The following ARHGAP9 variants were observed in gnomAD, a reference collection of about 807,000 sequenced individuals.
ARHGAP9 encodes the protein rho GTPase-activating protein 9.
A neutral mutation model predicts 87.3 loss-of-function variants in ARHGAP9; 76 were observed. That is an observed-to-expected ratio of 0.87 (90% confidence interval 0.72 to 1.05). The LOEUF is 1.05. Ranked by LOEUF, ARHGAP9 falls within the 50% of genes least tolerant of loss-of-function variation. The pLI is 0.00. For synonymous variants in ARHGAP9, 382 were observed against 394.9 expected, an observed-to-expected ratio of 0.97 and a Z score of 0.39; for missense variants, 941 against 960.5, an observed-to-expected ratio of 0.98 and a Z score of 0.27.
upstream of ARHGAP9, among the ~76,000 whole-genome samples, chr12:57,481,635 C>A (rs529488976): frequency 2.6e-5 from 4 of 152,154 alleles, no homozygotes; most frequent in Non-Finnish European, 5.9e-5. Flanking sequence ...ACTCCGCCAC[C>A]TTTTCAAAGT....
intron 1 of ARHGAP9, chr12:57,487,916 T>TA: frequency 5.0e-6 from 3 of 599,152 alleles, no homozygotes; most frequent in Non-Finnish European, 6.0e-6. Flanking sequence ...ATCTCGATGA[T>TA]AGTCTTTTCC....
At chr12:57,484,287 G>A (rs578158963), upstream of ARHGAP9, among the ~76,000 whole-genome samples, 1 of 151,606 alleles carries the variant, frequency 6.6e-6, no homozygotes, top group South Asian at 2.1e-4. Context: ...GGGAGGTGGA[G>A]GTTGCAGTGA....
chr12:57,485,128 G>C (rs1294428707), intron 1 of ARHGAP9, among the ~76,000 whole-genome samples: 2 of 150,618 alleles, frequency 1.3e-5, no homozygotes, highest in Admixed American at 6.6e-5. Flanking sequence ...TGTATTTTTA[G>C]TAGAGACTGG....
At position 57,477,146 on chromosome 12, in the gene ARHGAP9, G is replaced by C. The variant is rs1565622713; in HGVS notation, c.870+10C>G. The C allele has an allele frequency of 6.2e-7, 1 of 1,613,018 alleles. No individual in the cohort carries two copies. Among genetic ancestry groups the C allele is most frequent in the Non-Finnish European group, 8.5e-7 (1 of 1,179,132 alleles). Reference sequence around the variant, plus strand: ...TTCTGCATGTGACTGGGAGATGGGAGGGATCTCACCTGTGGGTCAAGCGGT... The same window carrying C: ...TTCTGCATGTGACTGGGAGATGGGACGGATCTCACCTGTGGGTCAAGCGGT... On this transcript the variant is annotated intron_variant, in intron 5 of 17. Transcript: ENST00000393791.
At chr12:57,476,723 G>T in intron 6 of ARHGAP9, 72 bp from the exon 7 acceptor site, 5 of 1,598,270 alleles carry the variant, frequency 3.1e-6, no homozygotes, top group East Asian at 2.2e-5. Context: ...TCCCTAGGGG[G>T]TCTCCCAGGA....
At chr12:57,488,253 C>G in intron 1 of ARHGAP9, 1 of 1,520,192 alleles carries the variant, frequency 6.6e-7, no homozygotes, top group Non-Finnish European at 9.1e-7. Flanking sequence ...CCGAAACACG[C>G]CAGATTCTCT....
intron 2 of ARHGAP9, 86 bp downstream of exon 2, chr12:57,479,005 A>G: frequency 1.4e-6 from 2 of 1,476,948 alleles, no homozygotes; most frequent in Non-Finnish European, 1.8e-6. Flanking sequence ...AGGGAGGGGG[A>G]CCTCCCCAAA....
chr12:57,476,709 G>C, intron 6 of ARHGAP9, 58 bp from the exon 7 acceptor site: 1 of 1,608,410 alleles, frequency 6.2e-7, no homozygotes, highest in Admixed American at 1.7e-5. Context: ...AGTGGCCACG[G>C]CTTTCCCTAG....
chr12:57,476,901 T>G lies in ARHGAP9; in HGVS notation c.933A>C (p.Arg311=), dbSNP rs771146991. ...GGTCGTCCAGGAGCTGCGGCAGAGG[T>G]CGAGGGGCCTGCAAGGCTGGAGGGT... ...QLDPPALQAP[R]PLPQLLDDPH... Residue 311 remains arginine, a synonymous_variant, in exon 6 of 18, where the codon CGA becomes CGC. Coordinates refer to ENST00000393791, the MANE Select transcript of ARHGAP9 (RefSeq NM_032496.4). The G allele has an allele frequency of 6.2e-7, 1 of 1,613,144 alleles. No individual in the cohort carries two copies. Among genetic ancestry groups the G allele is most frequent in the Non-Finnish European group, 8.5e-7 (1 of 1,179,828 alleles).
chr12:57,486,559 C>T lies in ARHGAP9; in HGVS notation c.-204+2053G>A, dbSNP rs111321301. 6.0e-5 allele frequency among the ~76,000 whole-genome samples: 9 copies of T among 149,804 alleles called. 2 individuals carry two copies. Among genetic ancestry groups the T allele is most frequent in the African/African-American group, 1.7e-4 (7 of 41,174 alleles). ...TGCTGGGGTTACAGGCGTGAGCCAC[C>T]GCGCCCGGCCTTACTTCTCAATTTC... On this transcript the variant is annotated intron_variant, in intron 1 of 20. Coordinates refer to the ARHGAP9 transcript ENST00000393797.
upstream of ARHGAP9, chr12:57,480,892 CAG>C (rs1230991145): frequency 2.0e-6 from 3 of 1,490,878 alleles, no homozygotes; most frequent in African/African-American, 4.2e-5. Context: ...CTGGTGATAT[CAG>C]AGAGCCAGCT....
exon 1 of ARHGAP9, chr12:57,488,654 G>A (rs1875663193): frequency 4.0e-5 from 62 of 1,550,642 alleles, no homozygotes; most frequent in Non-Finnish European, 5.2e-5. Flanking sequence ...CTCTTAGGAG[G>A]TTCTCTTGTA....
At chr12:57,483,951 G>A (rs760295497), upstream of ARHGAP9, 1 of 442,722 alleles carries the variant, frequency 2.3e-6, no homozygotes, top group South Asian at 1.6e-5. Flanking sequence ...TGAGGCACAA[G>A]AATCACTTGA....
In ARHGAP9 at chr12:57,479,430, A is replaced by G; in HGVS notation, c.-18-6T>C. Reference sequence around the variant, plus strand: ...ATTGTAGCCAGCACTGTCACCTGTGAGAAAAAGGGACACTGGAGACCCAGA... The same window carrying G: ...ATTGTAGCCAGCACTGTCACCTGTGGGAAAAAGGGACACTGGAGACCCAGA... On this transcript the variant is annotated splice_polypyrimidine_tract_variant and splice_region_variant and intron_variant, in intron 1 of 17. Coordinates refer to ENST00000393791, the MANE Select transcript of ARHGAP9 (RefSeq NM_032496.4). 1 of 1,604,024 alleles carries G rather than the reference A, an allele frequency of 6.2e-7. No individual in the cohort carries two copies. Among genetic ancestry groups the G allele is most frequent in the Non-Finnish European group, 8.5e-7 (1 of 1,175,598 alleles).
chr12:57,474,966 C>T lies in ARHGAP9; in HGVS notation c.1560G>A (p.Val520=), dbSNP rs1873029100. 6.2e-7 allele frequency: 1 copy of T among 1,613,928 alleles called. No individual in the cohort carries two copies. The highest frequency in any genetic ancestry group is 8.5e-7 in the Non-Finnish European group (1 of 1,180,030). The change falls in exon 13 of 18, where the codon GTG becomes GTA. Residue 520 remains valine, a synonymous_variant. Coordinates refer to ENST00000393791, the MANE Select transcript of ARHGAP9 (RefSeq NM_032496.4). ...AGAGTGATTCCAACTGGCAGCCGAA[C>T]ACCTGGTCTGGGGAAGTAGAGTGAG... ...LQERGLLRDQ[V]FGCQLESLCQ... is the part of the protein sequence containing the mutation.
At chr12:57,477,046 G>T (rs756068963) in intron 5 of ARHGAP9, 83 bp from the exon 6 acceptor site, 2 of 1,518,868 alleles carry the variant, frequency 1.3e-6, no homozygotes, top group Non-Finnish European at 1.8e-6. Flanking sequence ...GGTGGGATAC[G>T]GGTGAGAGGT....
At chr12:57,478,230 C>A (rs1315873615) in intron 3 of ARHGAP9, 8 of 367,588 alleles carry the variant, frequency 2.2e-5, no homozygotes, top group Non-Finnish European at 4.1e-5. Context: ...CCACTGCGCC[C>A]TGTGCCCTGT....
At chr12:57,480,946 C>G, upstream of ARHGAP9, 1 of 969,130 alleles carries the variant, frequency 1.0e-6, no homozygotes, top group Non-Finnish European at 1.6e-6. Flanking sequence ...GGGCTTCTGC[C>G]TCAGTGATCT....
At chr12:57,481,709 T>C (rs1024931548), upstream of ARHGAP9, among the ~76,000 whole-genome samples, 1 of 152,236 alleles carries the variant, frequency 6.6e-6, no homozygotes, top group Non-Finnish European at 1.5e-5. Context: ...GCAATCCTTA[T>C]GTTGCTTGAC....
Sources: allele counts gnomAD v4.1 joint callset (sites outside exome capture counted in the v4.1 genomes callset), GRCh38; gene constraint gnomAD v4.1.1; transcripts MANE v1.5; gene names NCBI Gene and HGNC (gene_info 2026-07-23, HGNC 2026-07-21).